YPEL2: variants seen among roughly 807,000 people sequenced by gnomAD.
YPEL2 encodes the protein protein yippee-like 2.
In YPEL2, 2 loss-of-function variants were observed where a neutral mutation model predicts 19.1. That is an observed-to-expected ratio of 0.10 (90% CI 0.04 to 0.33). The LOEUF is 0.33. Among genes scored for constraint, YPEL2 ranks in the 10% least tolerant of loss-of-function variants. The pLI, the probability that YPEL2 is intolerant of heterozygous loss-of-function variation, is 1.00. For synonymous variants in YPEL2, 52 were observed against 50.0 expected, an observed-to-expected ratio of 1.04 and a Z score of -0.17; for missense variants, 66 against 140.7, an observed-to-expected ratio of 0.47 and a Z score of 2.68.
At chr17:59,354,484 T>C (rs535227027) in intron 2 of YPEL2, 48 of 152,344 alleles carry the variant, frequency 3.2e-4, no homozygotes, top group African/African-American at 1.1e-3. Flanking sequence ...GCTGTTGCTT[T>C]CTTTGCCTCT....
intron 1 of YPEL2, among the ~76,000 whole-genome samples, chr17:59,332,989 G>T (rs539402070): frequency 6.6e-6 from 1 of 152,324 alleles, no homozygotes; most frequent in South Asian, 2.1e-4. Context: ...TGGGCAAGAA[G>T]GGTAGCGGTC....
chr17:59,377,762 T>A (rs1170843131), intron 2 of YPEL2, among the ~76,000 whole-genome samples: 1 of 152,176 alleles, frequency 6.6e-6, no homozygotes, highest in Non-Finnish European at 1.5e-5. Context: ...GAGGAGCTTA[T>A]GGGGTCTAAG....
intron 2 of YPEL2, among the ~76,000 whole-genome samples, chr17:59,368,741 C>T (rs555755655): frequency 6.6e-6 from 1 of 152,130 alleles, no homozygotes; most frequent in African/African-American, 2.4e-5. Context: ...GTTCTGGATG[C>T]TGTGAGGAGC....
chr17:59,371,889 GTTCAC>G (rs2047899044), intron 2 of YPEL2, among the ~76,000 whole-genome samples: 1 of 152,212 alleles, frequency 6.6e-6, no homozygotes, highest in Non-Finnish European at 1.5e-5. Flanking sequence ...AGTTTGCACA[GTTCAC>G]TTCACTGGTC....
intron 2 of YPEL2, among the ~76,000 whole-genome samples, chr17:59,362,292 T>C (rs1317811911): frequency 2.0e-5 from 3 of 151,434 alleles, no homozygotes; most frequent in African/African-American, 7.3e-5. Context: ...ATTGTGTTTA[T>C]CATGTGTAGG....
chr17:59,342,877 A>G (rs1408097741), intron 1 of YPEL2, among the ~76,000 whole-genome samples: 1 of 151,910 alleles, frequency 6.6e-6, no homozygotes, highest in Non-Finnish European at 1.5e-5. Flanking sequence ...TTGGAAGAAG[A>G]CTCCTAGGTT....
chr17:59,394,610 C>T (rs1261802033), intron 4 of YPEL2, among the ~76,000 whole-genome samples: 19 of 148,970 alleles, frequency 1.3e-4, no homozygotes, highest in Middle Eastern at 3.4e-3. Flanking sequence ...CCAGACTGGG[C>T]AGCCAGGCAG....
Position 59,335,951 on chromosome 17 carries a change from CCT to C in YPEL2, c.-196+4132_-196+4133del, listed in dbSNP as rs535906144. Among the ~76,000 whole-genome samples the C allele has an allele frequency of 9.7e-4, 147 of 152,288 alleles. 1 individual carries two copies. The highest frequency in any genetic ancestry group is 1.7e-3 in the Non-Finnish European group (117 of 68,030). On this transcript the variant is annotated intron_variant, in intron 1 of 4. Transcript: ENST00000312655. The stretch of plus-strand genomic sequence containing the variant: ...AGCTCCTCCCTTCTCTGCCCCTCAG[CCT>C]CTCTTAATCCCCTTAACTTTATTTT...
chr17:59,395,908 C>T (rs1324588768), intron 4 of YPEL2, among the ~76,000 whole-genome samples: 1 of 152,116 alleles, frequency 6.6e-6, no homozygotes, highest in East Asian at 1.9e-4. Flanking sequence ...GAAACCCCGT[C>T]TCTACTGAAA....
chr17:59,360,634 C>G (rs1886753934), intron 2 of YPEL2, among the ~76,000 whole-genome samples: 1 of 152,126 alleles, frequency 6.6e-6, no homozygotes, highest in Non-Finnish European at 1.5e-5. Flanking sequence ...TGTTGACCAC[C>G]CAGGAAGGGG....
rs1257153439 is a variant in YPEL2, at chr17:59,398,857, C to T, written c.*1667C>T. ...AGTGATGAACTGAGATGAAAGCAGC[C>T]AACAGCCCAGGAGCTTTTCAGAATA... On this transcript the variant is annotated 3_prime_UTR_variant, in exon 5 of 5. Coordinates refer to ENST00000312655, the MANE Select transcript of YPEL2 (RefSeq NM_001005404.4). The T allele has an allele frequency of 6.6e-6, 1 of 152,174 alleles. No homozygotes were observed. 9.4% of individuals were successfully genotyped at this position (152,174 alleles called of 1,614,324 possible).
In YPEL2 at chr17:59,332,522, C is replaced by T. The variant is rs922475881; in HGVS notation, c.-196+698C>T. Among the ~76,000 whole-genome samples, 17 of 152,288 alleles carry T rather than the reference C, an allele frequency of 1.1e-4. 1 individual carries two copies. Among genetic ancestry groups the T allele is most frequent in the Admixed American group, 8.5e-4 (13 of 15,302 alleles). On this transcript the variant is annotated intron_variant, in intron 1 of 4. Transcript: ENST00000312655. ...CCTCCCCGGAGCTGGCGCTTAGGGG[C>T]GGCCCCGACCTTTCGCCACTTCCAG...
intron 2 of YPEL2, among the ~76,000 whole-genome samples, chr17:59,364,360 T>A (rs2047857228): frequency 6.6e-6 from 1 of 152,224 alleles, no homozygotes; most frequent in Admixed American, 6.5e-5. Context: ...AGATTGACAG[T>A]GTCAAGCGCT....
At position 59,353,579 on chromosome 17, in the gene YPEL2, C is replaced by T. The variant is rs1045599095; in HGVS notation, c.117+53C>T. On this transcript the variant is annotated intron_variant, in intron 2 of 4. Transcript: ENST00000312655. The surrounding 1 kb of genome is among the most constrained non-coding windows in gnomAD (Gnocchi z 4.8). Reference sequence around the variant, plus strand: ...CCTACCCCGGGGAGGGCGCTTAGTGCTCCTGAAGTTGCAGAGGTTTACAAG... The same window carrying T: ...CCTACCCCGGGGAGGGCGCTTAGTGTTCCTGAAGTTGCAGAGGTTTACAAG... 6 of 1,342,948 alleles carry T rather than the reference C, an allele frequency of 4.5e-6. No homozygotes were observed. In the East Asian group the frequency reaches 1.1e-4, roughly 26 times the overall value. The allele number at this position is 1,342,948 out of a possible 1,614,324, so 83.2% of individuals were successfully genotyped here.
At chr17:59,379,852 G>A (rs912928415) in intron 2 of YPEL2, among the ~76,000 whole-genome samples, 1 of 40,424 alleles carries the variant, frequency 2.5e-5, no homozygotes, top group African/African-American at 2.1e-4. Flanking sequence ...CAATAAGTTT[G>A]GGGTTTTTGT....
At chr17:59,395,744 C>T (rs1280258831) in intron 4 of YPEL2, among the ~76,000 whole-genome samples, 1 of 152,130 alleles carries the variant, frequency 6.6e-6, no homozygotes, top group African/African-American at 2.4e-5. Context: ...TATTTTGTTC[C>T]TCTCCCTGTC....
chr17:59,391,577 C>T (rs183740575), intron 4 of YPEL2, among the ~76,000 whole-genome samples: 23 of 151,890 alleles, frequency 1.5e-4, no homozygotes, highest in African/African-American at 5.3e-4. Flanking sequence ...CCATTTTCCC[C>T]ATCTCCCTGG....
chr17:59,389,339 T>C (rs1270546762), intron 3 of YPEL2, 21 bp from the exon 4 acceptor site: 3 of 1,605,866 alleles, frequency 1.9e-6, no homozygotes, highest in Admixed American at 3.4e-5. Flanking sequence ...ACCCACTCTC[T>C]CTTCTTGTGC....
At chr17:59,341,144 G>A (rs1165695567) in intron 1 of YPEL2, among the ~76,000 whole-genome samples, 3 of 147,344 alleles carry the variant, frequency 2.0e-5, no homozygotes, top group Admixed American at 2.0e-4. Context: ...GGCCAACATG[G>A]CGAAACCCCT....
Sources: gnomAD v4.1 joint callset for allele counts (sites outside exome capture counted in the v4.1 genomes callset) on GRCh38, gnomAD v4.1.1 for gene constraint, Gnocchi (gnomAD v3.1) non-coding constraint, MANE v1.5 for transcripts, NCBI Gene and HGNC (gene_info 2026-07-23, HGNC 2026-07-21) for gene names.